ELAVL2: variants seen among roughly 807,000 people sequenced by gnomAD.
The protein encoded by ELAVL2 is ELAV like RNA binding protein 2.
Under a neutral mutation model 34.6 loss-of-function variants are expected in ELAVL2, and 4 were observed. The observed-to-expected ratio is 0.12, with a 90% CI of 0.06 to 0.26. The LOEUF (loss-of-function observed/expected upper bound fraction) is 0.26. ELAVL2 is among the 10% of genes least tolerant of loss of function. The pLI is 1.00. For synonymous variants in ELAVL2, 193 were observed against 154.8 expected (o/e 1.25, Z -1.83); for missense variants, 432 against 442.8 (o/e 0.98, Z 0.22).
At chr9:23,702,607 T>C (rs1252456897) in intron 4 of ELAVL2, among the ~76,000 whole-genome samples, 2 of 150,578 alleles carry the variant, frequency 1.3e-5, no homozygotes, top group Non-Finnish European at 3.0e-5. Context: ...AGAAAGAAGG[T>C]CTACTTGCTT....
Position 23,814,162 on chromosome 9 carries a change from G to C in ELAVL2, c.-16+11644C>G, listed in dbSNP as rs1262555509. On this transcript the variant is annotated intron_variant, in intron 1 of 6. Transcript: ENST00000397312. The stretch of plus-strand genomic sequence containing the variant: ...CACCTATAGGCCATATGAAGCTCAC[G>C]GATCACCCTTCAGGACCTGTGGCAC... Among the ~76,000 whole-genome samples the C allele has an allele frequency of 6.6e-5, 10 of 152,244 alleles. No homozygotes were observed. In the Middle Eastern group the frequency reaches 0.01, roughly 155 times the overall value.
chr9:23,821,482 G>A (rs1040092140), intron 1 of ELAVL2: 1 of 152,260 alleles, frequency 6.6e-6, no homozygotes, highest in Admixed American at 6.5e-5. Context: ...GTTCGGACTA[G>A]GGCGCACCAC....
Position 23,725,211 on chromosome 9 carries a change from C to G in ELAVL2, c.333+5811G>C, listed in dbSNP as rs187411299. Among the ~76,000 whole-genome samples the G allele has an allele frequency of 5.7e-3, 862 of 152,268 alleles. 3 individuals carry two copies. The highest frequency in any genetic ancestry group is 9.6e-3 in the Non-Finnish European group (653 of 68,024). Reference sequence around the variant, plus strand: ...CTCTGCTCAAAACCCTCCGGTGCCCCTTCCTCACCTAGAGAACAAAACATC... The same window carrying G: ...CTCTGCTCAAAACCCTCCGGTGCCCGTTCCTCACCTAGAGAACAAAACATC... On this transcript the variant is annotated intron_variant, in intron 3 of 6. Coordinates refer to ENST00000397312, the MANE Select transcript of ELAVL2 (RefSeq NM_004432.5).
Position 23,768,836 on chromosome 9 carries a change from A to G in ELAVL2, c.-15-6587T>C, listed in dbSNP as rs545329037. Among the ~76,000 whole-genome samples, 3 of 152,284 alleles carry G rather than the reference A, an allele frequency of 2.0e-5. No individual in the cohort carries two copies. In the East Asian group the frequency reaches 5.8e-4, roughly 29 times the overall value. On this transcript the variant is annotated intron_variant, in intron 1 of 6. Coordinates refer to ENST00000397312, the MANE Select transcript of ELAVL2 (RefSeq NM_004432.5). ...AGGTAAATGCAGGAAAATTAAACAG[A>G]TCTTGAAGAAGGCATTTAGAAGCAC...
At chr9:23,788,868 C>T (rs977134635) in intron 1 of ELAVL2, among the ~76,000 whole-genome samples, 1 of 152,196 alleles carries the variant, frequency 6.6e-6, no homozygotes, top group African/African-American at 2.4e-5. Context: ...GAGGGTACAT[C>T]ACACTATTCA....
the ELAVL2 span, among the ~76,000 whole-genome samples, chr9:23,848,954 G>A: frequency 1.3e-5 from 2 of 152,130 alleles, no homozygotes; most frequent in Non-Finnish European, 2.9e-5. Flanking sequence ...TAAGCTAAAA[G>A]GCAACTGAAA....
chr9:23,701,384 A>C lies in ELAVL2; in HGVS notation c.708T>G (p.Arg236=). The change falls in exon 5 of 7, where the codon CGT becomes CGG. Residue 236 remains arginine, a synonymous_variant. Coordinates refer to ENST00000397312, the MANE Select transcript of ELAVL2 (RefSeq NM_004432.5). ...YPGPLAQQAQ[R]FRLDNLLNMA... ...AAGAACCAAACCAGACTTACCTAAA[A>C]CGCTGTGCCTGCTGAGCTAGCGGTC... 4.3e-6 allele frequency: 7 copies of C among 1,613,992 alleles called. No homozygotes were observed. The highest frequency in any genetic ancestry group is 1.7e-5 in the Admixed American group (1 of 60,020).
upstream of ELAVL2, chr9:23,829,910 A>C (rs1000916084): frequency 6.6e-6 from 1 of 152,146 alleles, no homozygotes; most frequent in African/African-American, 2.4e-5. Flanking sequence ...TGCGGAAAAG[A>C]CTGTCCTACT....
chr9:23,822,218 T>A (rs1206289834), intron 1 of ELAVL2, among the ~76,000 whole-genome samples: 1 of 152,132 alleles, frequency 6.6e-6, no homozygotes, highest in Non-Finnish European at 1.5e-5. Context: ...TACACACATA[T>A]GTGTGTCTCT....
intron 5 of ELAVL2, 141 bp downstream of exon 5, chr9:23,701,238 G>A (rs1012945630): frequency 1.2e-6 from 1 of 864,092 alleles, no homozygotes; most frequent in South Asian, 1.7e-5. Flanking sequence ...CTGTGCCCAT[G>A]GAGATGAAAA....
At position 23,799,043 on chromosome 9, in the gene ELAVL2, C is replaced by G. The variant is rs181533683; in HGVS notation, c.-16+26763G>C. Among the ~76,000 whole-genome samples the G allele has an allele frequency of 2.4e-3, 362 of 152,210 alleles. 2 individuals are homozygous for G. Among genetic ancestry groups the G allele is most frequent in the African/African-American group, 8.5e-3 (353 of 41,546 alleles). On this transcript the variant is annotated intron_variant, in intron 1 of 6. Coordinates refer to ENST00000397312, the MANE Select transcript of ELAVL2 (RefSeq NM_004432.5). Reference sequence around the variant, plus strand: ...TCATGTAAAGTGAAGGATGGAAGAACTATTAAAACCCTTATCATAATGGCC... The same window carrying G: ...TCATGTAAAGTGAAGGATGGAAGAAGTATTAAAACCCTTATCATAATGGCC...
chr9:23,784,170 C>T (rs1452212779), intron 1 of ELAVL2, among the ~76,000 whole-genome samples: 1 of 151,564 alleles, frequency 6.6e-6, no homozygotes, highest in East Asian at 1.9e-4. Flanking sequence ...GACACTCCAG[C>T]CTGGGGCCAC....
intron 5 of ELAVL2, among the ~76,000 whole-genome samples, chr9:23,697,325 A>T (rs757085849): frequency 2.6e-5 from 4 of 152,210 alleles, no homozygotes; most frequent in Non-Finnish European, 5.9e-5. Context: ...ATAAGGTTAG[A>T]CACAAGATAA....
chr9:23,696,011 C>CT (rs769930844), intron 5 of ELAVL2, among the ~76,000 whole-genome samples: 6 of 152,236 alleles, frequency 3.9e-5, no homozygotes, highest in Middle Eastern at 3.4e-3. Context: ...GATAGGGCAT[C>CT]TTTTTTACCC....
At chr9:23,793,967 C>T (rs796488587) in intron 1 of ELAVL2, among the ~76,000 whole-genome samples, 33 of 152,290 alleles carry the variant, frequency 2.2e-4, no homozygotes, top group African/African-American at 7.5e-4. Flanking sequence ...CTATATCATA[C>T]AGCCATTTGT....
intron 1 of ELAVL2, among the ~76,000 whole-genome samples, chr9:23,791,172 G>C (rs1253783274): frequency 1.3e-5 from 2 of 152,142 alleles, no homozygotes; most frequent in African/African-American, 2.4e-5. Context: ...AGGCAGAGGT[G>C]GTCACAAACT....
rs76971494 is a variant in ELAVL2 at position 23,715,610 on chromosome 9, T to C, written c.334-10539A>G. On this transcript the variant is annotated intron_variant, in intron 3 of 6. Coordinates refer to ENST00000397312, the MANE Select transcript of ELAVL2 (RefSeq NM_004432.5). ...TTGTTAGAAGCCCATTCTCCAGCAA[T>C]GGCTTCAGTATTCTTTCAAGATTCT... Among the ~76,000 whole-genome samples, 107 of 152,336 alleles carry C rather than the reference T, an allele frequency of 7.0e-4. 2 individuals carry two copies. In the East Asian group the frequency reaches 0.019, roughly 27 times the overall value.
intron 1 of ELAVL2, among the ~76,000 whole-genome samples, chr9:23,818,929 G>A (rs1449465096): frequency 1.3e-5 from 2 of 152,182 alleles, no homozygotes; most frequent in Non-Finnish European, 2.9e-5. Context: ...AATAATGCCT[G>A]AAAAGCGTCA....
intron 1 of ELAVL2, among the ~76,000 whole-genome samples, chr9:23,785,947 A>G (rs1336587286): frequency 6.6e-6 from 1 of 152,214 alleles, no homozygotes; most frequent in Non-Finnish European, 1.5e-5. Context: ...CGGTACTTGA[A>G]GGTCACTATG....
Sources: allele counts gnomAD v4.1 joint callset (sites outside exome capture counted in the v4.1 genomes callset), GRCh38; gene constraint gnomAD v4.1.1; transcripts MANE v1.5; gene names NCBI Gene and HGNC (gene_info 2026-07-23, HGNC 2026-07-21).